The following ZNF33B variants were observed in gnomAD, a reference collection of about 807,000 sequenced individuals.
ZNF33B encodes the protein zinc finger protein 11b (KOX 2).
In ZNF33B, 29 loss-of-function variants were observed where a neutral mutation model predicts 45.8. The observed-to-expected ratio is 0.63, with a 90% CI of 0.47 to 0.86. The LOEUF (loss-of-function observed/expected upper bound fraction) is 0.86, where lower values mean the gene tolerates loss of function less well. Ranked by LOEUF, ZNF33B falls within the 40% of genes least tolerant of loss-of-function variation. The pLI is 0.00. For missense variants in ZNF33B, 831 were observed against 909.9 expected (o/e 0.91, Z 1.12); for synonymous variants, 305 against 307.8 (o/e 0.99, Z 0.10).
intron 1 of ZNF33B, among the ~76,000 whole-genome samples, chr10:42,581,010 CTAAG>C (rs1836814258): frequency 6.6e-6 from 1 of 152,078 alleles, no homozygotes; most frequent in Non-Finnish European, 1.5e-5. Context: ...CTGTCAACAA[CTAAG>C]TAAAAGGGAC....
chr10:42,588,894 A>G (rs772312913), downstream of ZNF33B, among the ~76,000 whole-genome samples: 3 of 152,180 alleles, frequency 2.0e-5, no homozygotes, highest in Non-Finnish European at 4.4e-5. Flanking sequence ...GGGGATGGAA[A>G]CGAGTTTAGG....
In ZNF33B at chr10:42,590,367, C is replaced by T. The variant is rs1246164992; in HGVS notation, c.*2246G>A. 1 of 151,924 alleles carries T rather than the reference C, an allele frequency of 6.6e-6. No individual in the cohort carries two copies. The highest frequency in any genetic ancestry group is 1.5e-5 in the Non-Finnish European group (1 of 67,994). The allele number at this position is 151,924 out of a possible 1,614,324, so 9.4% of individuals were successfully genotyped here. A position where few individuals can be genotyped will look rare whatever the true frequency, so the allele number is the denominator to read the frequency against. On this transcript the variant is annotated 3_prime_UTR_variant, in exon 5 of 5. Coordinates refer to ENST00000359467, the MANE Select transcript of ZNF33B (RefSeq NM_006955.3). ...TCAGTGAATCCATTTGGTCCCGGCA[C>T]TTTTTTTGGAAGGTTTTATTATTAT...
rs115185993 is a variant in ZNF33B, at chr10:42,596,890, C to T, written c.251-2191G>A. Among the ~76,000 whole-genome samples the T allele has an allele frequency of 6.1e-3, 928 of 151,834 alleles. 6 individuals are homozygous for T. Among genetic ancestry groups the T allele is most frequent in the African/African-American group, 0.02 (839 of 41,436 alleles). On this transcript the variant is annotated intron_variant, in intron 4 of 4. Coordinates refer to ENST00000359467, the MANE Select transcript of ZNF33B (RefSeq NM_006955.3). Reference sequence around the variant, plus strand: ...ATATCTTTTGTGAATAAAGACATTTCTACTTCTTTTCCACTCTAGTCTCCT... The same window carrying T: ...ATATCTTTTGTGAATAAAGACATTTTTACTTCTTTTCCACTCTAGTCTCCT...
chr10:42,592,862 AT>A lies in ZNF33B; in HGVS notation c.2087del (p.Asn696MetfsTer77), dbSNP rs745969901. 4.3e-6 allele frequency: 7 copies of A among 1,614,136 alleles called. No homozygotes were observed. Among genetic ancestry groups the A allele is most frequent in the African/African-American group, 1.3e-5 (1 of 75,040 alleles). On this transcript the variant is annotated frameshift_variant, in exon 5 of 5. Coordinates refer to ENST00000359467, the MANE Select transcript of ZNF33B (RefSeq NM_006955.3). LOFTEE classifies it high-confidence loss of function. ...TGTGACTGAAGGATTTCCCACATTC[AT>A]TGCATTCATAGGGTTTCTCCCCCGT... is the stretch of plus-strand genomic sequence containing the variant. The part of the protein sequence containing the change: ...KHTGEKPYEC[N>X]ECGKSFSHKS...
chr10:42,600,432 AT>A lies in ZNF33B; in HGVS notation c.251-5734del, dbSNP rs1261850812. Among the ~76,000 whole-genome samples the A allele has an allele frequency of 2.6e-5, 4 of 152,162 alleles. No homozygotes were observed. The South Asian group carries it at 8.3e-4, about 31-fold the overall frequency. ...ATGATCTCTATCAATATGAAAAAAA[AT>A]CTTTATCACTGGTATTCCTGGCTCT... On this transcript the variant is annotated intron_variant, in intron 4 of 4. Coordinates refer to ENST00000359467, the MANE Select transcript of ZNF33B (RefSeq NM_006955.3).
intron 2 of ZNF33B, among the ~76,000 whole-genome samples, chr10:42,635,645 A>G (rs895598216): frequency 2.6e-5 from 4 of 151,386 alleles, no homozygotes; most frequent in African/African-American, 9.7e-5. Flanking sequence ...CCCTGTCTCT[A>G]CTAAAAATAC....
rs199977911 is a variant in ZNF33B, at chr10:42,617,092, C to CTTTTTTT, written c.250+14830_250+14836dup. Among the ~76,000 whole-genome samples, 61 of 61,210 alleles carry CTTTTTTT rather than the reference C, an allele frequency of 1.0e-3. 8 individuals are homozygous for CTTTTTTT. The highest frequency in any genetic ancestry group is 1.3e-3 in the Non-Finnish European group (41 of 31,936). 40.2% of individuals were successfully genotyped at this position (61,210 alleles called of 152,430 possible). A position where few individuals can be genotyped will look rare whatever the true frequency, so the allele number is the denominator to read the frequency against. On this transcript the variant is annotated intron_variant, in intron 4 of 4. Transcript: ENST00000359467. Reference sequence around the variant, plus strand: ...TTGAAGAAAATTGTTCATTTTTTCTCTTTTTTTTTTTTTTTTTTTTTTTTT... The same window carrying CTTTTTTT: ...TTGAAGAAAATTGTTCATTTTTTCTCTTTTTTTTTTTTTTTTTTTTTTTTTTTTTTTT...
chr10:42,623,633 CAG>C (rs1170580607), intron 4 of ZNF33B, among the ~76,000 whole-genome samples: 5 of 152,072 alleles, frequency 3.3e-5, no homozygotes, highest in African/African-American at 1.2e-4. Context: ...TCAAAACTCA[CAG>C]AGACAAACTA....
intron 1 of ZNF33B, among the ~76,000 whole-genome samples, chr10:42,577,457 C>T (rs1836764736): frequency 6.6e-6 from 1 of 152,220 alleles, no homozygotes; most frequent in African/African-American, 2.4e-5. Flanking sequence ...TCTCTATGTC[C>T]AAACAGCCAT....
chr10:42,631,457 G>A (rs955454007), intron 4 of ZNF33B, among the ~76,000 whole-genome samples: 12 of 152,086 alleles, frequency 7.9e-5, no homozygotes, highest in Admixed American at 2.0e-4. Context: ...TGCTCACCTC[G>A]ACCTGTGCTG....
At chr10:42,600,013 A>C (rs1837553906) in intron 4 of ZNF33B, among the ~76,000 whole-genome samples, 1 of 152,030 alleles carries the variant, frequency 6.6e-6, no homozygotes, top group Non-Finnish European at 1.5e-5. Context: ...ATTGATGTTT[A>C]ATTTAACTAA....
intron 4 of ZNF33B, among the ~76,000 whole-genome samples, chr10:42,612,233 ATTTTTTT>A (rs59259404): frequency 1.3e-4 from 16 of 119,342 alleles, no homozygotes; most frequent in African/African-American, 4.6e-4. Flanking sequence ...ACAGAAGTTG[ATTTTTTT>A]TTTTTTTTTT....
At chr10:42,634,364 A>T (rs1839194349) in intron 2 of ZNF33B, among the ~76,000 whole-genome samples, 1 of 152,072 alleles carries the variant, frequency 6.6e-6, no homozygotes, top group South Asian at 2.1e-4. Context: ...CTAAGATCGC[A>T]CCACTGCACT....
At chr10:42,617,244 C>A (rs1589053736) in intron 4 of ZNF33B, among the ~76,000 whole-genome samples, 1 of 151,546 alleles carries the variant, frequency 6.6e-6, no homozygotes. Context: ...GCTGGGACCA[C>A]AGGCACGCAC....
rs761959706 is a variant in ZNF33B, at chr10:42,594,342, C to T, written c.608G>A (p.Arg203His). 1.7e-5 allele frequency: 27 copies of T among 1,613,742 alleles called. No homozygotes were observed. Among genetic ancestry groups the T allele is most frequent in the African/African-American group, 4.0e-5 (3 of 74,882 alleles). ...VLKNRNTLSHRENTLQHEKIQ... is the reference protein window; with the variant it reads ...VLKNRNTLSHHENTLQHEKIQ... ...CTTCTCATGCTGCAAAGTGTTCTCA[C>T]GATGACTCAGAGTGTTCCTATTTTT... Residue 203 changes from arginine to histidine, a missense_variant, in exon 5 of 5, where the codon CGT becomes CAT. Arg to His is a conservative substitution (Grantham distance 29). Coordinates refer to ENST00000359467, the MANE Select transcript of ZNF33B (RefSeq NM_006955.3).
rs560052998 is a variant in ZNF33B at position 42,618,619 on chromosome 10, A to G, written c.250+13310T>C. 5.9e-5 allele frequency among the ~76,000 whole-genome samples: 9 copies of G among 152,334 alleles called. No homozygotes were observed. The East Asian group carries it at 1.7e-3, about 29-fold the overall frequency. On this transcript the variant is annotated intron_variant, in intron 4 of 4. Coordinates refer to ENST00000359467, the MANE Select transcript of ZNF33B (RefSeq NM_006955.3). The stretch of plus-strand genomic sequence containing the variant: ...TTATCACTTTTATAAGGCAGGTCAA[A>G]TAAGAGCATGATAAAAACATCTTTC...
At chr10:42,582,853 G>GCCAGT in intron 1 of ZNF33B, 1 of 350,120 alleles carries the variant, frequency 2.9e-6, no homozygotes, top group Non-Finnish European at 5.4e-6. Context: ...CCCCAGCAGT[G>GCCAGT]CCAGTGCACT....
chr10:42,601,775 G>A (rs1260493541), intron 4 of ZNF33B, among the ~76,000 whole-genome samples: 1 of 151,684 alleles, frequency 6.6e-6, no homozygotes. Context: ...ACTGGCCCAA[G>A]GGCTTGCTTA....
At chr10:42,630,050 AATAT>A (rs1838980721) in intron 4 of ZNF33B, among the ~76,000 whole-genome samples, 1 of 152,146 alleles carries the variant, frequency 6.6e-6, no homozygotes, top group Non-Finnish European at 1.5e-5. Flanking sequence ...TCACGAGAAA[AATAT>A]ATTTATCCCC....
Sources: allele counts gnomAD v4.1 joint callset (sites outside exome capture counted in the v4.1 genomes callset), GRCh38; gene constraint gnomAD v4.1.1; transcripts MANE v1.5; gene names NCBI Gene and HGNC (gene_info 2026-07-23, HGNC 2026-07-21).